Variants in CDH10 observed in about 807,000 individuals in gnomAD.
CDH10 encodes the protein cadherin 10.
Under a neutral mutation model 73.1 loss-of-function variants are expected in CDH10, and 30 were observed. That is an observed-to-expected ratio of 0.41 (90% CI 0.31 to 0.56). The LOEUF (loss-of-function observed/expected upper bound fraction) is 0.56. Among genes scored for constraint, CDH10 ranks in the 20% least tolerant of loss-of-function variants. The pLI is 0.27. For missense variants in CDH10, 815 were observed against 973.7 expected (o/e 0.84, Z 2.17); for synonymous variants, 345 against 348.2 (o/e 0.99, Z 0.10).
rs2111637861 is a variant in CDH10 at position 24,491,654 on chromosome 5, C to T, written c.1798G>A (p.Ala600Thr). 1 of 1,613,868 alleles carries T rather than the reference C, an allele frequency of 6.2e-7. No homozygotes were observed. Residue 600 changes from alanine to threonine, a missense_variant, in exon 11 of 12, where the codon GCT becomes ACT. Coordinates refer to ENST00000264463, the MANE Select transcript of CDH10 (RefSeq NM_006727.5). Reference protein sequence around the residue: ...DSQGNMQSCSAEALLLPAGLS... With the variant: ...DSQGNMQSCSTEALLLPAGLS... ...CCGGCAGGGAGGAGCAGGGCTTCAGCACTGCAGGATTGCATGTTGCCTTGG... is the reference window on the plus strand; with the variant it reads ...CCGGCAGGGAGGAGCAGGGCTTCAGTACTGCAGGATTGCATGTTGCCTTGG...
At chr5:24,629,432 G>T (rs1390520404) in intron 1 of CDH10, among the ~76,000 whole-genome samples, 1 of 151,912 alleles carries the variant, frequency 6.6e-6, no homozygotes, top group South Asian at 2.1e-4. Context: ...GGATAACAAA[G>T]AAATAAATAA....
chr5:24,544,756 C>CA (rs1744283108), intron 2 of CDH10, among the ~76,000 whole-genome samples: 1 of 152,158 alleles, frequency 6.6e-6, no homozygotes, highest in South Asian at 2.1e-4. Context: ...TACAAGAGAT[C>CA]AGACTTCTTC....
chr5:24,522,102 C>G (rs1225513065), intron 5 of CDH10, among the ~76,000 whole-genome samples: 1 of 151,926 alleles, frequency 6.6e-6, no homozygotes, highest in East Asian at 1.9e-4. Context: ...CCACTGCACT[C>G]CAGTGGGCTA....
At chr5:24,573,700 CAAAA>C (rs529427692) in intron 2 of CDH10, among the ~76,000 whole-genome samples, 1 of 73,162 alleles carries the variant, frequency 1.4e-5, no homozygotes, top group Non-Finnish European at 2.7e-5. Context: ...GACTCCATCT[CAAAA>C]AAAAAAAAAA....
chr5:24,564,579 T>C (rs1745098417), intron 2 of CDH10, among the ~76,000 whole-genome samples: 1 of 151,938 alleles, frequency 6.6e-6, no homozygotes, highest in South Asian at 2.1e-4. Context: ...AGTGAGCAAG[T>C]CCCCCACGGC....
At chr5:24,635,939 C>A (rs1448068824) in intron 1 of CDH10, among the ~76,000 whole-genome samples, 1 of 151,618 alleles carries the variant, frequency 6.6e-6, no homozygotes, top group Non-Finnish European at 1.5e-5. Flanking sequence ...ACTTAAAACA[C>A]CAAGAATTTC....
intron 7 of CDH10, among the ~76,000 whole-genome samples, chr5:24,508,313 A>G (rs77652354): frequency 0.012 from 1,771 of 152,308 alleles, 17 homozygotes; most frequent in Non-Finnish European, 0.018. Flanking sequence ...ATTCTTTTTC[A>G]TTTTCAGTTT....
rs1742652276 is a variant in CDH10, at chr5:24,504,979, T to A, written c.1393+133A>T. On this transcript the variant is annotated intron_variant, in intron 8 of 11. Transcript: ENST00000264463. The stretch of plus-strand genomic sequence containing the variant: ...AAAAAAAGTGTAAGTGCTGAGAAAA[T>A]TAAAATTCATCTGTCCAATGAGAAT... 19 of 671,522 alleles carry A rather than the reference T, an allele frequency of 2.8e-5. No individual in the cohort carries two copies. In the East Asian group the frequency reaches 5.4e-4, roughly 19 times the overall value. 41.6% of individuals were successfully genotyped at this position (671,522 alleles called of 1,614,324 possible).
chr5:24,590,697 G>C (rs1376556085), intron 2 of CDH10, among the ~76,000 whole-genome samples: 1 of 151,930 alleles, frequency 6.6e-6, no homozygotes, highest in Non-Finnish European at 1.5e-5. Flanking sequence ...AATTGTTTAG[G>C]TATTTAAAAA....
At chr5:24,643,002 A>G (rs1748106375) in intron 1 of CDH10, among the ~76,000 whole-genome samples, 1 of 151,044 alleles carries the variant, frequency 6.6e-6, no homozygotes, top group East Asian at 2.0e-4. Context: ...TGAAAGAAGT[A>G]TTTCTTTATA....
chr5:24,580,629 T>G (rs781272294), intron 2 of CDH10, among the ~76,000 whole-genome samples: 1 of 152,174 alleles, frequency 6.6e-6, no homozygotes, highest in East Asian at 1.9e-4. Context: ...CCATGTAACA[T>G]AGAGTAAAAG....
At chr5:24,515,229 C>T (rs1243990953) in intron 5 of CDH10, among the ~76,000 whole-genome samples, 1 of 151,874 alleles carries the variant, frequency 6.6e-6, no homozygotes, top group Non-Finnish European at 1.5e-5. Flanking sequence ...AAAAATATAC[C>T]AAAATCTACA....
At chr5:24,638,480 A>ATGGCT (rs1747939922) in intron 1 of CDH10, among the ~76,000 whole-genome samples, 1 of 151,834 alleles carries the variant, frequency 6.6e-6, no homozygotes, top group South Asian at 2.1e-4. Context: ...GCCTCTAAGT[A>ATGGCT]TATGTCTGTG....
chr5:24,640,909 CT>C lies in CDH10; in HGVS notation c.-124+3684del, dbSNP rs565165533. 4.4e-4 allele frequency among the ~76,000 whole-genome samples: 67 copies of C among 151,914 alleles called. 2 individuals carry two copies. The East Asian group carries it at 0.013, about 29-fold the overall frequency. On this transcript the variant is annotated intron_variant, in intron 1 of 11. Transcript: ENST00000264463. ...TCATTCTTAAAAAAATCAAGAGTTA[CT>C]TTTTTGTGAGAAGTTGCATTGATAA...
intron 8 of CDH10, among the ~76,000 whole-genome samples, chr5:24,502,872 C>T (rs752335417): frequency 9.2e-5 from 14 of 151,970 alleles, no homozygotes; most frequent in Non-Finnish European, 1.5e-4. Context: ...AAAAGCTTTC[C>T]TTAGAAGAAA....
chr5:24,639,822 G>C (rs1458393009), intron 1 of CDH10, among the ~76,000 whole-genome samples: 2 of 151,704 alleles, frequency 1.3e-5, no homozygotes, highest in Non-Finnish European at 3.0e-5. Flanking sequence ...TAGTAAATCA[G>C]TAAAGATTCC....
At chr5:24,515,376 C>T (rs751503440) in intron 5 of CDH10, among the ~76,000 whole-genome samples, 2 of 152,084 alleles carry the variant, frequency 1.3e-5, no homozygotes, top group Non-Finnish European at 1.5e-5. Context: ...AAGTGGGGCT[C>T]CTATCATAAC....
chr5:24,565,750 A>C (rs1042374614), intron 2 of CDH10, among the ~76,000 whole-genome samples: 4 of 151,622 alleles, frequency 2.6e-5, no homozygotes, highest in Admixed American at 1.3e-4. Flanking sequence ...CTCTGTCTCT[A>C]TCTCTCTCTT....
intron 1 of CDH10, among the ~76,000 whole-genome samples, chr5:24,628,669 A>G (rs1010383189): frequency 7.9e-5 from 12 of 152,096 alleles, no homozygotes; most frequent in Non-Finnish European, 1.5e-4. Flanking sequence ...AAACTTTTTC[A>G]TTATGTCTGA....
Sources: allele counts gnomAD v4.1 joint callset (sites outside exome capture counted in the v4.1 genomes callset), GRCh38; gene constraint gnomAD v4.1.1; transcripts MANE v1.5; gene names NCBI Gene and HGNC (gene_info 2026-07-23, HGNC 2026-07-21).